Variants in SIPA1L2 observed in about 807,000 individuals in gnomAD.
SIPA1L2 encodes the protein signal induced proliferation associated 1 like 2.
Under a neutral mutation model 163.9 loss-of-function variants are expected in SIPA1L2, and 56 were observed. That is an observed-to-expected ratio of 0.34 (90% CI 0.28 to 0.43). The LOEUF is 0.43. Ranked by LOEUF, SIPA1L2 falls within the 20% of genes least tolerant of loss-of-function variation. The probability of loss-of-function intolerance (pLI) is 1.00; values close to 1 mark genes in which losing one functional copy is unlikely to be tolerated. For missense variants in SIPA1L2, 1,974 were observed against 2,193.5 expected (o/e 0.90, Z 2.00); for synonymous variants, 877 against 865.7 (o/e 1.01, Z -0.23).
At chr1:232,414,761 G>A (rs116296725) in intron 19 of SIPA1L2, among the ~76,000 whole-genome samples, 167 of 152,304 alleles carry the variant, frequency 1.1e-3, no homozygotes, top group African/African-American at 3.5e-3. Context: ...AGGGCAAAAC[G>A]TCATAAGTCA....
intron 1 of SIPA1L2, among the ~76,000 whole-genome samples, chr1:232,577,386 G>C (rs1321609564): frequency 6.6e-6 from 1 of 152,182 alleles, no homozygotes; most frequent in Non-Finnish European, 1.5e-5. Context: ...AGGTGTACAA[G>C]GAGATGAATG....
At chr1:232,482,681 A>C (rs985751520) in intron 6 of SIPA1L2, among the ~76,000 whole-genome samples, 3 of 152,144 alleles carry the variant, frequency 2.0e-5, no homozygotes, top group African/African-American at 7.2e-5. Flanking sequence ...AGGTCTAAAA[A>C]CAGAACTGAC....
intron 5 of SIPA1L2, among the ~76,000 whole-genome samples, chr1:232,487,403 T>C (rs925739968): frequency 4.6e-5 from 7 of 152,190 alleles, no homozygotes; most frequent in African/African-American, 7.2e-5. Flanking sequence ...CCTGCTTGAC[T>C]TCGGTTGAAA....
At chr1:232,571,777 T>C (rs1373719612) in intron 2 of SIPA1L2, among the ~76,000 whole-genome samples, 3 of 152,214 alleles carry the variant, frequency 2.0e-5, no homozygotes, top group Admixed American at 1.3e-4. Flanking sequence ...TTCTGTCTGA[T>C]TCTTCCACTC....
chr1:232,495,271 T>C (rs1666122251), intron 3 of SIPA1L2, among the ~76,000 whole-genome samples: 2 of 152,092 alleles, frequency 1.3e-5, no homozygotes, highest in South Asian at 2.1e-4. Context: ...TTTTAAAAGA[T>C]GAAAGGTGGG....
chr1:232,568,629 A>C (rs760084398), intron 2 of SIPA1L2, among the ~76,000 whole-genome samples: 2 of 152,190 alleles, frequency 1.3e-5, no homozygotes, highest in African/African-American at 2.4e-5. Flanking sequence ...CATGGAGTGG[A>C]CCATGGGCTG....
chr1:232,500,482 T>C (rs1274505107), intron 3 of SIPA1L2, among the ~76,000 whole-genome samples: 1 of 152,182 alleles, frequency 6.6e-6, no homozygotes, highest in Non-Finnish European at 1.5e-5. Context: ...AACAGAAATT[T>C]AGAAGGTGGC....
chr1:232,590,698 C>G (rs1357447296), intron 1 of SIPA1L2, among the ~76,000 whole-genome samples: 1 of 151,304 alleles, frequency 6.6e-6, no homozygotes. Context: ...CCCAATATCT[C>G]TACCACCATA....
At chr1:232,485,899 C>T (rs10910541) in intron 5 of SIPA1L2, among the ~76,000 whole-genome samples, 34,928 of 152,092 alleles carry the variant, frequency 0.23, 4,349 homozygotes, top group Middle Eastern at 0.33. Context: ...TTCCTCTGCA[C>T]CCAGTAGAAT....
At chr1:232,621,092 TA>T (rs543545078) in intron 1 of SIPA1L2, among the ~76,000 whole-genome samples, 1 of 152,014 alleles carries the variant, frequency 6.6e-6, no homozygotes, top group East Asian at 1.9e-4. Context: ...AGACTCGGGC[TA>T]AAAAAAATGT....
rs1667181049 is a variant in SIPA1L2 at position 232,515,476 on chromosome 1, GC to G, written c.-138del. 1 of 865,278 alleles carries G rather than the reference GC, an allele frequency of 1.2e-6. No homozygotes were observed. The highest frequency in any genetic ancestry group is 1.7e-6 in the Non-Finnish European group (1 of 592,052). The allele number at this position is 865,278 out of a possible 1,614,324, so 53.6% of individuals were successfully genotyped here. ...GTATTTTTTCTTTTCTTAGCCCAAA[GC>G]AAACAACATCCTCAGAATACAGTTT... On this transcript the variant is annotated 5_prime_UTR_variant, in exon 3 of 23. An upstream open reading frame in the 5' UTR loses its in-frame stop. Transcript: ENST00000674635.
At chr1:232,534,825 G>T (rs369053281) in intron 2 of SIPA1L2, among the ~76,000 whole-genome samples, 1 of 152,074 alleles carries the variant, frequency 6.6e-6, no homozygotes, top group Non-Finnish European at 1.5e-5. Context: ...GAATCCTCCC[G>T]TTAACACTGC....
chr1:232,406,660 T>C (rs1048234673), intron 19 of SIPA1L2, among the ~76,000 whole-genome samples: 1 of 150,138 alleles, frequency 6.7e-6, no homozygotes, highest in East Asian at 2.0e-4. Flanking sequence ...CAAGGCTGGA[T>C]TGGTGGGGGT....
intron 1 of SIPA1L2, among the ~76,000 whole-genome samples, chr1:232,607,403 T>C (rs943650091): frequency 1.3e-5 from 2 of 152,342 alleles, no homozygotes; most frequent in East Asian, 1.9e-4. Flanking sequence ...TATCTTACTA[T>C]CAAATTTTTT....
chr1:232,546,984 A>C (rs1287118728), intron 2 of SIPA1L2, among the ~76,000 whole-genome samples: 1 of 152,200 alleles, frequency 6.6e-6, no homozygotes, highest in African/African-American at 2.4e-5. Flanking sequence ...ATGACAGAGC[A>C]CTGGGAAATT....
At chr1:232,550,558 G>A (rs1197596662) in intron 2 of SIPA1L2, among the ~76,000 whole-genome samples, 2 of 152,196 alleles carry the variant, frequency 1.3e-5, no homozygotes, top group African/African-American at 2.4e-5. Flanking sequence ...AAAAACAGCT[G>A]ATTCTGCCTT....
intron 11 of SIPA1L2, among the ~76,000 whole-genome samples, chr1:232,445,257 G>C (rs1357394418): frequency 6.6e-6 from 1 of 152,208 alleles, no homozygotes; most frequent in African/African-American, 2.4e-5. Context: ...TTGGGGAAGA[G>C]AGCCAGTGGA....
chr1:232,439,195 G>C lies in SIPA1L2; in HGVS notation c.3944C>G (p.Ser1315Cys). The C allele has an allele frequency of 6.2e-7, 1 of 1,613,782 alleles. No individual in the cohort carries two copies. Among genetic ancestry groups the C allele is most frequent in the East Asian group, 2.2e-5 (1 of 44,874 alleles). ...GATGGTGGACGCGTAGCCATGCACA[G>C]AATATAACTTGGCTGGCTCGTCGTC... is the stretch of plus-strand genomic sequence containing the variant. ...GPDDEPAKLY[S>C]VHGYASTISA... is the part of the protein sequence containing the mutation. The change falls in exon 15 of 23, where the codon TCT becomes TGT. Residue 1315 changes from serine to cysteine, a missense_variant. Transcript: ENST00000674635.
Position 232,437,685 on chromosome 1 carries a change from G to A in SIPA1L2, c.4031+1423C>T, listed in dbSNP as rs902425823. On this transcript the variant is annotated intron_variant, in intron 15 of 22. Coordinates refer to ENST00000674635, the MANE Select transcript of SIPA1L2 (RefSeq NM_020808.5). ...GCTGAGGGCCCCAAGTGCCGTAGAC[G>A]ATGCTACCCCCTAACCACGTGATTA... 3.9e-5 allele frequency among the ~76,000 whole-genome samples: 6 copies of A among 152,272 alleles called. No homozygotes were observed. The East Asian group carries it at 1.2e-3, about 29-fold the overall frequency.
Sources: allele counts gnomAD v4.1 joint callset (sites outside exome capture counted in the v4.1 genomes callset), GRCh38; gene constraint gnomAD v4.1.1; transcripts MANE v1.5; gene names NCBI Gene and HGNC (gene_info 2026-07-23, HGNC 2026-07-21).